Variants in GTF2IRD1 observed in about 807,000 individuals in gnomAD.
The protein encoded by GTF2IRD1 is GTF2I repeat domain containing 1.
GTF2IRD1 carries 26 observed loss-of-function variants against 113.2 expected under a neutral mutation model. That is an observed-to-expected ratio of 0.23 (90% CI 0.17 to 0.32). The LOEUF (loss-of-function observed/expected upper bound fraction) is 0.32, where lower values mean the gene tolerates loss of function less well. Ranked by LOEUF, GTF2IRD1 falls within the 10% of genes least tolerant of loss-of-function variation. The pLI is 1.00. For synonymous variants in GTF2IRD1, 484 were observed against 529.1 expected (o/e 0.91, Z 1.17); for missense variants, 864 against 1,280.8 (o/e 0.67, Z 4.97).
intron 13 of GTF2IRD1, 137 bp from the exon 14 acceptor site, chr7:74,539,742 T>C: frequency 1.7e-6 from 1 of 594,206 alleles, no homozygotes; most frequent in Non-Finnish European, 3.0e-6. Flanking sequence ...AGACTCCATC[T>C]CAAACCAAAA....
chr7:74,485,256 C>G (rs1265729629), intron 1 of GTF2IRD1, among the ~76,000 whole-genome samples: 1 of 152,182 alleles, frequency 6.6e-6, no homozygotes, highest in Non-Finnish European at 1.5e-5. Flanking sequence ...GACACACTTT[C>G]CTCAATGGCC....
chr7:74,474,237 C>T (rs906110833), intron 1 of GTF2IRD1, among the ~76,000 whole-genome samples: 6 of 152,202 alleles, frequency 3.9e-5, no homozygotes, highest in Non-Finnish European at 8.8e-5. Context: ...AAGTGAGACT[C>T]TGTCTCAAAA....
intron 25 of GTF2IRD1, among the ~76,000 whole-genome samples, chr7:74,598,066 A>G (rs1211138612): frequency 6.6e-6 from 1 of 152,136 alleles, no homozygotes; most frequent in Non-Finnish European, 1.5e-5. Flanking sequence ...CTGCAAAAAA[A>G]TTAAAAATTA....
At chr7:74,579,637 C>T (rs1417619279) in intron 22 of GTF2IRD1, among the ~76,000 whole-genome samples, 1 of 145,884 alleles carries the variant, frequency 6.9e-6, no homozygotes, top group Admixed American at 6.9e-5. Context: ...AAAAAAAAAA[C>T]TACAGTTCCC....
At chr7:74,540,193 C>T (rs1343904866) in intron 14 of GTF2IRD1, among the ~76,000 whole-genome samples, 4 of 152,192 alleles carry the variant, frequency 2.6e-5, no homozygotes, top group Non-Finnish European at 5.9e-5. Flanking sequence ...GTTGCCCAGG[C>T]TGGAGTGCAG....
intron 22 of GTF2IRD1, among the ~76,000 whole-genome samples, chr7:74,579,477 G>A (rs1312516971): frequency 6.6e-6 from 1 of 152,060 alleles, no homozygotes; most frequent in African/African-American, 2.4e-5. Context: ...AATTAGCCAA[G>A]CGTGGTGGCT....
intron 20 of GTF2IRD1, 30 bp from the exon 21 acceptor site, chr7:74,558,831 G>A (rs1401127005): frequency 1.0e-5 from 16 of 1,589,802 alleles, no homozygotes; most frequent in Non-Finnish European, 1.4e-5. Context: ...TCTCACTCCT[G>A]ACGGGCAGGA....
At chr7:74,600,444 C>T (rs781867477) in intron 25 of GTF2IRD1, among the ~76,000 whole-genome samples, 4 of 152,080 alleles carry the variant, frequency 2.6e-5, no homozygotes, top group Non-Finnish European at 5.9e-5. Context: ...TTCGATGGCT[C>T]ATGCCTATAA....
chr7:74,468,953 T>G (rs1369738714), intron 1 of GTF2IRD1, among the ~76,000 whole-genome samples: 2 of 150,506 alleles, frequency 1.3e-5, no homozygotes, highest in Non-Finnish European at 1.5e-5. Flanking sequence ...GGCGTGATGG[T>G]GGGCGCCTGT....
At position 74,602,074 on chromosome 7, in the gene GTF2IRD1, T is replaced by A. The variant is rs587711597; in HGVS notation, c.2767-291T>A. On this transcript the variant is annotated intron_variant, in intron 26 of 26. Coordinates refer to ENST00000424337, the MANE Select transcript of GTF2IRD1 (RefSeq NM_005685.4). ...CTGGCCAACATGGCAAAACCCCGTCTCTACTAAAAATAGAAAAATTAGCCG... is the reference window on the plus strand; with the variant it reads ...CTGGCCAACATGGCAAAACCCCGTCACTACTAAAAATAGAAAAATTAGCCG... 22 of 228,554 alleles carry A rather than the reference T, an allele frequency of 9.6e-5. No homozygotes were observed. The Middle Eastern group carries it at 5.7e-3, about 60-fold the overall frequency. 14.2% of individuals were successfully genotyped at this position (228,554 alleles called of 1,614,324 possible).
At position 74,591,009 on chromosome 7, in the gene GTF2IRD1, C is replaced by G. The variant is rs782132899; in HGVS notation, c.2583C>G (p.Asn861Lys). ...AREHVRMVII[N>K]QLQPFAEICN... ...AGCATGTCCGCATGGTCATCATTAA[C>G]CAGCTCCAGTGAGTGCCCGGCCTCT... Residue 861 changes from asparagine to lysine, a missense_variant, in exon 24 of 27, where the codon AAC (asparagine) becomes AAG (lysine). Asn to Lys is a moderately conservative substitution (Grantham distance 94, BLOSUM62 0). Coordinates refer to ENST00000424337, the MANE Select transcript of GTF2IRD1 (RefSeq NM_005685.4). 5.7e-5 allele frequency: 91 copies of G among 1,609,824 alleles called. 1 individual carries two copies. The highest frequency in any genetic ancestry group is 7.6e-5 in the Non-Finnish European group (90 of 1,177,900).
At chr7:74,500,088 T>C (rs1043317251) in intron 1 of GTF2IRD1, among the ~76,000 whole-genome samples, 1 of 152,176 alleles carries the variant, frequency 6.6e-6, no homozygotes, top group South Asian at 2.1e-4. Flanking sequence ...GCCCCTGCCG[T>C]TGAGAGGCCT....
rs529158037 is a variant in GTF2IRD1, at chr7:74,471,814, A to G, written c.-7+17638A>G. On this transcript the variant is annotated intron_variant, in intron 1 of 26. Transcript: ENST00000424337. ...TGAGACCATCCTGGCCAATGTGGTG[A>G]AACTCTGTCTCTACTAAAATTACAA... Among the ~76,000 whole-genome samples the G allele has an allele frequency of 4.5e-3, 683 of 151,604 alleles. 3 individuals are homozygous for G. Among genetic ancestry groups the G allele is most frequent in the Non-Finnish European group, 7.1e-3 (479 of 67,922 alleles).
intron 20 of GTF2IRD1, 129 bp from the exon 21 acceptor site, chr7:74,558,732 A>G (rs1415282576): frequency 3.0e-5 from 20 of 657,564 alleles, no homozygotes; most frequent in Non-Finnish European, 4.2e-5. Context: ...GCTACACTAC[A>G]TAAGAGCTTT....
At chr7:74,500,761 T>A (rs1667484389) in intron 1 of GTF2IRD1, among the ~76,000 whole-genome samples, 1 of 152,180 alleles carries the variant, frequency 6.6e-6, no homozygotes, top group Admixed American at 6.6e-5. Flanking sequence ...TCTTGCTCTG[T>A]CGCCCAGGCT....
chr7:74,480,553 G>A (rs945080295), intron 1 of GTF2IRD1, among the ~76,000 whole-genome samples: 8 of 152,208 alleles, frequency 5.3e-5, no homozygotes, highest in African/African-American at 1.7e-4. Flanking sequence ...ACGCAGGCCC[G>A]CGTCAGGACT....
chr7:74,589,983 G>C (rs1445598157), intron 23 of GTF2IRD1, 55 bp downstream of exon 23: 1 of 1,172,112 alleles, frequency 8.5e-7, no homozygotes, highest in Non-Finnish European at 1.3e-6. Context: ...GGGGTGGTGG[G>C]GGGCCTCCCT....
chr7:74,532,661 C>T (rs587646844), intron 9 of GTF2IRD1, among the ~76,000 whole-genome samples: 2 of 152,208 alleles, frequency 1.3e-5, no homozygotes, highest in Non-Finnish European at 2.9e-5. Context: ...AAAATTATTC[C>T]CTGAGGCTGC....
At chr7:74,539,789 T>G (rs2130592012) in intron 13 of GTF2IRD1, 90 bp from the exon 14 acceptor site, 9 of 820,506 alleles carry the variant, frequency 1.1e-5, no homozygotes, top group Middle Eastern at 3.7e-4. Flanking sequence ...CCCTTGTCTG[T>G]GGGGAGACTG....
Sources: allele counts gnomAD v4.1 joint callset (sites outside exome capture counted in the v4.1 genomes callset), GRCh38; gene constraint gnomAD v4.1.1; transcripts MANE v1.5; gene names NCBI Gene and HGNC (gene_info 2026-07-23, HGNC 2026-07-21).